Variants in TNRC18 observed in about 807,000 individuals in gnomAD.
TNRC18 encodes the protein trinucleotide repeat-containing gene 18 protein.
A neutral mutation model predicts 226.7 loss-of-function variants in TNRC18; 69 were observed. That is an observed-to-expected ratio of 0.30 (90% CI 0.25 to 0.37). TNRC18 has a LOEUF of 0.37. Ranked by LOEUF, TNRC18 falls within the 10% of genes least tolerant of loss-of-function variation. The pLI, the probability that TNRC18 is intolerant of heterozygous loss-of-function variation, is 1.00. For missense variants in TNRC18, 4,754 were observed against 4,256.6 expected, an observed-to-expected ratio of 1.12 and a Z score of -3.25; for synonymous variants, 2,449 against 1,927.6, an observed-to-expected ratio of 1.27 and a Z score of -7.09.
At position 5,389,141 on chromosome 7, in the gene TNRC18, C is replaced by G. The variant is rs1036501118; in HGVS notation, c.683G>C (p.Arg228Pro). 3.8e-6 allele frequency: 5 copies of G among 1,318,764 alleles called. No individual in the cohort carries two copies. The highest frequency in any genetic ancestry group is 1.6e-5 in the African/African-American group (1 of 63,136). The allele number at this position is 1,318,764 out of a possible 1,614,324, so 81.7% of individuals were successfully genotyped here. ...CCGTGGCCCCGAGGCCTCCTCGCCCCGGGCGCGCGGGTCCTTCTTGCCGAA... is the reference window on the plus strand; with the variant it reads ...CCGTGGCCCCGAGGCCTCCTCGCCCGGGGCGCGCGGGTCCTTCTTGCCGAA... ...PLFGKKDPRARGEEASGPRGV... is the reference protein window; with the variant it reads ...PLFGKKDPRAPGEEASGPRGV... The change falls in exon 5 of 30, where the codon CGG (arginine) becomes CCG (proline). Residue 228 changes from arginine (R) to proline (P), a missense_variant. Arg to Pro is a moderately radical substitution (Grantham distance 103). Coordinates refer to ENST00000430969, the MANE Select transcript of TNRC18 (RefSeq NM_001080495.3).
intron 15 of TNRC18, 41 bp from the exon 16 acceptor site, chr7:5,357,317 A>G (rs776500307): frequency 3.2e-6 from 5 of 1,567,084 alleles, no homozygotes; most frequent in East Asian, 2.3e-5. Flanking sequence ...AGATCTGACA[A>G]AACAGTATAG....
At position 5,350,393 on chromosome 7, in the gene TNRC18, G is replaced by A. The variant is rs532353552; in HGVS notation, c.5470+1426C>T. On this transcript the variant is annotated intron_variant, in intron 17 of 29. Coordinates refer to ENST00000430969, the MANE Select transcript of TNRC18 (RefSeq NM_001080495.3). ...GGAGGGGAGGTCTGGGAGGGGAGGC[G>A]GTAGACCAGGAATTCAAGAGCAGGG... Among the ~76,000 whole-genome samples the A allele has an allele frequency of 5.3e-5, 8 of 149,628 alleles. No homozygotes were observed. In the South Asian group the frequency reaches 1.1e-3, roughly 20 times the overall value.
chr7:5,353,168 CA>C (rs1792009068), intron 16 of TNRC18, among the ~76,000 whole-genome samples: 1 of 152,208 alleles, frequency 6.6e-6, no homozygotes, highest in Non-Finnish European at 1.5e-5. Flanking sequence ...TTGTATGCTC[CA>C]ATCTGTCCCT....
intron 2 of TNRC18, among the ~76,000 whole-genome samples, chr7:5,406,185 C>T (rs1206453523): frequency 6.6e-6 from 1 of 152,176 alleles, no homozygotes; most frequent in African/African-American, 2.4e-5. Context: ...AATACTAGGG[C>T]CAGGTGCAGT....
At chr7:5,365,435 C>A (rs1793518241) in intron 11 of TNRC18, among the ~76,000 whole-genome samples, 1 of 151,318 alleles carries the variant, frequency 6.6e-6, no homozygotes, top group South Asian at 2.1e-4. Flanking sequence ...GTAATAGGAG[C>A]ACATGGGCAC....
rs757432559 is a variant in TNRC18, at chr7:5,320,525, C to T, written c.6636+7G>A. 12 of 1,608,250 alleles carry T rather than the reference C, an allele frequency of 7.5e-6. No homozygotes were observed. The highest frequency in any genetic ancestry group is 1.0e-5 in the Non-Finnish European group (12 of 1,178,446). On this transcript the variant is annotated splice_region_variant and intron_variant, in intron 23 of 29. Coordinates refer to ENST00000430969, the MANE Select transcript of TNRC18 (RefSeq NM_001080495.3). Reference sequence around the variant, plus strand: ...AGCCTCCCGAGGCCCCGCCCCTCCCCCCTCACCGCCTCCTGCAGCAACTGC... The same window carrying T: ...AGCCTCCCGAGGCCCCGCCCCTCCCTCCTCACCGCCTCCTGCAGCAACTGC...
At chr7:5,409,203 C>G (rs1167919454) in intron 2 of TNRC18, among the ~76,000 whole-genome samples, 1 of 151,434 alleles carries the variant, frequency 6.6e-6, no homozygotes, top group Non-Finnish European at 1.5e-5. Flanking sequence ...CAGGTGCCCA[C>G]GGGAAGTCTC....
chr7:5,400,171 A>G (rs1040753917), intron 2 of TNRC18, among the ~76,000 whole-genome samples: 1 of 152,104 alleles, frequency 6.6e-6, no homozygotes, highest in African/African-American at 2.4e-5. Context: ...TGCTGGGATG[A>G]CAGACCTGAG....
rs772194036 is a variant in TNRC18 at position 5,395,659 on chromosome 7, G to A, written c.188-1064C>T. ...AATGGAGATAAACATGCCTCCCTTCGGGAATGATAGGGAAGGAAGCATGTG... is the reference window on the plus strand; with the variant it reads ...AATGGAGATAAACATGCCTCCCTTCAGGAATGATAGGGAAGGAAGCATGTG... On this transcript the variant is annotated intron_variant, in intron 2 of 29. Transcript: ENST00000430969. 1.8e-4 allele frequency among the ~76,000 whole-genome samples: 28 copies of A among 152,328 alleles called. 1 individual carries two copies. The highest frequency in any genetic ancestry group is 6.8e-3 in the Middle Eastern group (2 of 294).
intron 2 of TNRC18, among the ~76,000 whole-genome samples, chr7:5,402,352 G>A (rs1002140825): frequency 7.3e-5 from 11 of 151,396 alleles, no homozygotes; most frequent in African/African-American, 1.2e-4. Flanking sequence ...TGGGCAACAC[G>A]GTGAAACTCC....
At chr7:5,337,837 G>A (rs1471198368) in intron 18 of TNRC18, among the ~76,000 whole-genome samples, 1 of 152,002 alleles carries the variant, frequency 6.6e-6, no homozygotes, top group East Asian at 1.9e-4. Flanking sequence ...ACAAAAATTA[G>A]CCAGGCGAGG....
At chr7:5,399,287 G>C (rs987248398) in intron 2 of TNRC18, among the ~76,000 whole-genome samples, 1 of 152,142 alleles carries the variant, frequency 6.6e-6, no homozygotes, top group Non-Finnish European at 1.5e-5. Context: ...TGCGGTATGG[G>C]GGTCTCCCTG....
chr7:5,342,120 A>G (rs1790743508), intron 18 of TNRC18, among the ~76,000 whole-genome samples: 1 of 152,086 alleles, frequency 6.6e-6, no homozygotes, highest in South Asian at 2.1e-4. Context: ...TAAATGGAAA[A>G]CCTTCTGGAA....
At chr7:5,378,746 AGATTC>A (rs1417838480) in intron 5 of TNRC18, among the ~76,000 whole-genome samples, 1 of 152,000 alleles carries the variant, frequency 6.6e-6, no homozygotes, top group East Asian at 1.9e-4. Context: ...ACGGGAAGGC[AGATTC>A]TGAGCTGGGG....
intron 10 of TNRC18, among the ~76,000 whole-genome samples, chr7:5,373,226 A>C (rs1307714983): frequency 6.6e-6 from 1 of 152,182 alleles, no homozygotes. Context: ...TGAGAGGCTG[A>C]AACAGGAGGA....
intron 10 of TNRC18, among the ~76,000 whole-genome samples, chr7:5,372,096 C>G (rs1320662370): frequency 6.7e-6 from 1 of 150,324 alleles, no homozygotes; most frequent in East Asian, 2.0e-4. Flanking sequence ...GAGACGCAGT[C>G]TCGCTCTGTC....
At chr7:5,332,587 C>T in intron 19 of TNRC18, 35 bp downstream of exon 19, 1 of 1,504,192 alleles carries the variant, frequency 6.6e-7, no homozygotes, top group South Asian at 1.3e-5. Context: ...CCCCAGGGAC[C>T]CTTCTGCGGC....
At chr7:5,409,710 G>C (rs1221268137) in intron 2 of TNRC18, among the ~76,000 whole-genome samples, 11 of 151,954 alleles carry the variant, frequency 7.2e-5, no homozygotes, top group Non-Finnish European at 1.5e-4. Flanking sequence ...AGGCGCAGTG[G>C]CTCACGCTTG....
At chr7:5,331,533 G>A (rs1159633469) in intron 19 of TNRC18, among the ~76,000 whole-genome samples, 1 of 152,170 alleles carries the variant, frequency 6.6e-6, no homozygotes, top group Non-Finnish European at 1.5e-5. Context: ...CAGCGCCGGT[G>A]AAACCACAGA....
Sources: gnomAD v4.1 joint callset for allele counts (sites outside exome capture counted in the v4.1 genomes callset) on GRCh38, gnomAD v4.1.1 for gene constraint, MANE v1.5 for transcripts, NCBI Gene and HGNC (gene_info 2026-07-23, HGNC 2026-07-21) for gene names.